The following TIAM1 variants were observed in gnomAD, a reference collection of about 807,000 sequenced individuals.
TIAM1 encodes the protein TIAM Rac1 associated GEF 1.
A neutral mutation model predicts 163.5 loss-of-function variants in TIAM1; 65 were observed. The ratio of observed to expected loss-of-function variants is 0.40; its 90% confidence interval spans 0.33 to 0.49. TIAM1 has a LOEUF of 0.49. TIAM1 is among the 20% of genes least tolerant of loss of function. The pLI is 0.77. For missense variants in TIAM1, 1,789 were observed against 2,044.7 expected (o/e 0.87, Z 2.41); for synonymous variants, 833 against 810.1 (o/e 1.03, Z -0.48).
intron 2 of TIAM1, among the ~76,000 whole-genome samples, chr21:31,297,249 T>C (rs1236611798): frequency 6.6e-6 from 1 of 152,208 alleles, no homozygotes; most frequent in Non-Finnish European, 1.5e-5. Context: ...ATGATTCCAC[T>C]AATGCGGGGT....
At position 31,478,777 on chromosome 21, in the gene TIAM1, A is replaced by G. The variant is rs186244144; in HGVS notation, c.-421-14742T>C. Among the ~76,000 whole-genome samples the G allele has an allele frequency of 5.3e-3, 800 of 152,320 alleles. 7 individuals are homozygous for G. The highest frequency in any genetic ancestry group is 0.019 in the African/African-American group (778 of 41,560). ...ACGCTGTCAGAAGCCAAAGTGTTTC[A>G]ACTCCATAGATGTGTCAAGGAAATC... On this transcript the variant is annotated intron_variant, in intron 1 of 28. Transcript: ENST00000286827.
intron 23 of TIAM1, among the ~76,000 whole-genome samples, chr21:31,135,218 C>A (rs2082572335): frequency 6.6e-6 from 1 of 152,164 alleles, no homozygotes; most frequent in East Asian, 1.9e-4. Flanking sequence ...TGCCAATAAG[C>A]ATTTACATTG....
rs757741736 is a variant in TIAM1, at chr21:31,124,589, T to C, written c.4239A>G (p.Gln1413=). ...ATCTTTTGCCTCCAAAAGGGACATA[T>C]TGCTGGGATGAGGGAAGGCTCTCGG... ...LKTESLPSSQ[Q]YVPFGGKRLC... is the part of the protein sequence containing the mutation. The change falls in exon 27 of 28, where the codon CAA becomes CAG. Residue 1413 remains glutamine, a synonymous_variant. Transcript: ENST00000541036. 6.8e-6 allele frequency: 11 copies of C among 1,613,904 alleles called. 1 individual carries two copies. The South Asian group carries it at 8.8e-5, about 13-fold the overall frequency.
chr21:31,204,872 A>G (rs1255791168), intron 11 of TIAM1, among the ~76,000 whole-genome samples: 1 of 152,162 alleles, frequency 6.6e-6, no homozygotes, highest in Non-Finnish European at 1.5e-5. Flanking sequence ...GGGAACCCCA[A>G]CCTTTCTCCT....
chr21:31,205,193 G>A (rs2086388180), intron 11 of TIAM1, among the ~76,000 whole-genome samples: 1 of 152,190 alleles, frequency 6.6e-6, no homozygotes, highest in African/African-American at 2.4e-5. Flanking sequence ...AAGAGAGATC[G>A]AAGCTGCAAA....
chr21:31,509,730 G>C (rs1330389867), intron 1 of TIAM1, among the ~76,000 whole-genome samples: 1 of 152,132 alleles, frequency 6.6e-6, no homozygotes, highest in Non-Finnish European at 1.5e-5. Context: ...AGGGATAAAA[G>C]TCAGAGGCCC....
intron 8 of TIAM1, 108 bp from the exon 9 acceptor site, chr21:31,217,807 G>T: frequency 7.2e-7 from 1 of 1,390,784 alleles, no homozygotes; most frequent in Non-Finnish European, 9.7e-7. Flanking sequence ...CCTCCATCAT[G>T]CCAGCCAACC....
At position 31,523,707 on chromosome 21, in the gene TIAM1, C is replaced by T. The variant is rs1027596569; in HGVS notation, c.-422+35220G>A. Among the ~76,000 whole-genome samples the T allele has an allele frequency of 1.2e-3, 175 of 151,838 alleles. 15 individuals carry two copies. Among genetic ancestry groups the T allele is most frequent in the African/African-American group, 2.4e-5 (1 of 41,322 alleles). On this transcript the variant is annotated intron_variant, in intron 1 of 28. Coordinates refer to the TIAM1 transcript ENST00000286827. ...GGGAGGCCAAGGCGGGCAGATCACCCGAGGTCAGGAGTTCGAGAACAGCCT... is the reference window on the plus strand; with the variant it reads ...GGGAGGCCAAGGCGGGCAGATCACCTGAGGTCAGGAGTTCGAGAACAGCCT...
intron 6 of TIAM1, among the ~76,000 whole-genome samples, chr21:31,239,830 G>A (rs1336590121): frequency 6.6e-6 from 1 of 152,204 alleles, no homozygotes; most frequent in African/African-American, 2.4e-5. Flanking sequence ...AAAAATCTCA[G>A]TATCAAGTTT....
chr21:31,400,195 T>C (rs984903918), intron 2 of TIAM1, among the ~76,000 whole-genome samples: 2 of 152,096 alleles, frequency 1.3e-5, no homozygotes, highest in Non-Finnish European at 2.9e-5. Flanking sequence ...TGGCGTGATC[T>C]TGGCTCACTG....
chr21:31,433,224 A>C (rs1257318015), intron 2 of TIAM1, among the ~76,000 whole-genome samples: 3 of 152,230 alleles, frequency 2.0e-5, no homozygotes, highest in African/African-American at 7.2e-5. Flanking sequence ...GCCTTTAAAA[A>C]GTAAGAAAGA....
chr21:31,275,181 G>A (rs936435486), intron 3 of TIAM1, among the ~76,000 whole-genome samples: 2 of 151,490 alleles, frequency 1.3e-5, no homozygotes, highest in African/African-American at 4.9e-5. Flanking sequence ...ATATACACAT[G>A]ATAAATCTGC....
chr21:31,169,345 C>A (rs2084395790), intron 15 of TIAM1, among the ~76,000 whole-genome samples: 1 of 151,608 alleles, frequency 6.6e-6, no homozygotes, highest in East Asian at 1.9e-4. Context: ...GAGATAATTT[C>A]AAAAAACACC....
chr21:31,401,439 G>C (rs2077162767), intron 2 of TIAM1, among the ~76,000 whole-genome samples: 1 of 152,168 alleles, frequency 6.6e-6, no homozygotes, highest in Non-Finnish European at 1.5e-5. Context: ...GTAGCCTAGA[G>C]CCGAATATAA....
At chr21:31,284,565 C>G (rs1482165113) in intron 2 of TIAM1, among the ~76,000 whole-genome samples, 2 of 152,102 alleles carry the variant, frequency 1.3e-5, no homozygotes, top group Non-Finnish European at 2.9e-5. Context: ...GTCACCCAGG[C>G]TGGAGTGCAG....
At chr21:31,167,479 CA>C (rs1457057605) in intron 15 of TIAM1, among the ~76,000 whole-genome samples, 2 of 152,080 alleles carry the variant, frequency 1.3e-5, no homozygotes, top group African/African-American at 4.8e-5. Flanking sequence ...TAAAGTAAAA[CA>C]AATGTCCTTT....
chr21:31,290,667 A>C (rs1245551857), intron 2 of TIAM1, among the ~76,000 whole-genome samples: 3 of 149,536 alleles, frequency 2.0e-5, no homozygotes, highest in African/African-American at 7.4e-5. Context: ...AAAAAAAAAA[A>C]AAAAAAAAAA....
intron 1 of TIAM1, among the ~76,000 whole-genome samples, chr21:31,474,272 A>G (rs2045859082): frequency 6.6e-6 from 1 of 152,166 alleles, no homozygotes; most frequent in African/African-American, 2.4e-5. Context: ...TCCAAATCGT[A>G]TTAGAGAATA....
intron 2 of TIAM1, among the ~76,000 whole-genome samples, chr21:31,424,805 C>A (rs1278292648): frequency 3.9e-5 from 6 of 152,204 alleles, no homozygotes; most frequent in Non-Finnish European, 7.3e-5. Context: ...AATCCCAGCA[C>A]TTTTGGAGGC....
Sources: allele counts gnomAD v4.1 joint callset (sites outside exome capture counted in the v4.1 genomes callset), GRCh38; gene constraint gnomAD v4.1.1; transcripts MANE v1.5; gene names NCBI Gene and HGNC (gene_info 2026-07-23, HGNC 2026-07-21).